DRC4: variants seen among roughly 807,000 people sequenced by gnomAD.
The protein encoded by DRC4 is GAS-11.
At chr16:90,023,055 C>G in the DRC4 span, among the ~76,000 whole-genome samples, 48,254 of 152,052 alleles carry the variant, frequency 0.32, 7,805 homozygotes, top group South Asian at 0.42. Context: ...CCTGGAATGG[C>G]AGACTCGGTC....
chr16:90,022,675 C>A, the DRC4 span: 1 of 1,415,860 alleles, frequency 7.1e-7, no homozygotes, highest in African/African-American at 1.5e-5. Context: ...CTTCCGGGGG[C>A]GGGCGCCCTG....
At chr16:90,031,254 T>G in the DRC4 span, 1 of 1,608,400 alleles carries the variant, frequency 6.2e-7, no homozygotes, top group Non-Finnish European at 8.5e-7. Context: ...TTGCCGTGCA[T>G]GGGCCCCTGC....
chr16:90,020,939 C>T, the DRC4 span: 2 of 152,230 alleles, frequency 1.3e-5, no homozygotes, highest in African/African-American at 4.8e-5. Context: ...ATAATTACCC[C>T]CACTGTGCTC....
chr16:90,031,945 G>C, the DRC4 span, among the ~76,000 whole-genome samples: 1 of 151,966 alleles, frequency 6.6e-6, no homozygotes, highest in Admixed American at 6.6e-5. Flanking sequence ...GTGCAGGTGA[G>C]GTGTGGGGAG....
the DRC4 span, among the ~76,000 whole-genome samples, chr16:90,037,583 A>G: frequency 6.6e-6 from 1 of 152,162 alleles, no homozygotes; most frequent in Non-Finnish European, 1.5e-5. Context: ...TTTGGAGACA[A>G]GGCCCTCATC....
the DRC4 span, chr16:90,042,241 T>C: frequency 2.2e-5 from 13 of 587,784 alleles, no homozygotes; most frequent in Non-Finnish European, 4.2e-5. Flanking sequence ...TGGCCTGGAC[T>C]GTTGCTGGAG....
At chr16:90,040,191 T>C in the DRC4 span, 1 of 1,067,808 alleles carries the variant, frequency 9.4e-7, no homozygotes, top group Non-Finnish European at 1.4e-6. Context: ...TGGGCACTGT[T>C]GGGAGGCAGC....
At chr16:90,044,400 C>T in the DRC4 span, 3 of 436,176 alleles carry the variant, frequency 6.9e-6, no homozygotes. Flanking sequence ...CGCCCAGGAC[C>T]AGTCTGCCCA....
chr16:90,020,640 G>A, the DRC4 span, among the ~76,000 whole-genome samples: 5 of 152,184 alleles, frequency 3.3e-5, no homozygotes, highest in African/African-American at 1.2e-4. Flanking sequence ...AAAAGAACAG[G>A]TCGCAGTGGG....
chr16:90,031,304 G>A, the DRC4 span: 1 of 1,612,440 alleles, frequency 6.2e-7, no homozygotes, highest in Non-Finnish European at 8.5e-7. Context: ...GCCAGGTGGA[G>A]GAGCATGTCA....
the DRC4 span, chr16:90,044,554 G>A: frequency 2.1e-6 from 1 of 471,250 alleles, no homozygotes; most frequent in Non-Finnish European, 4.4e-6. Context: ...GTAGCCCTCA[G>A]TGTCGAAGGT....
At chr16:90,026,424 C>A in the DRC4 span, among the ~76,000 whole-genome samples, 1 of 152,150 alleles carries the variant, frequency 6.6e-6, no homozygotes, top group Non-Finnish European at 1.5e-5. Context: ...CCCAAGCTTT[C>A]TTGACCAGGC....
At chr16:90,032,970 G>A in the DRC4 span, 2 of 1,538,660 alleles carry the variant, frequency 1.3e-6, no homozygotes, top group Non-Finnish European at 1.8e-6. Flanking sequence ...TGTTGGGACG[G>A]CAAGCCTAGT....
At chr16:90,036,886 CTGGAG>C in the DRC4 span, 1 of 578,724 alleles carries the variant, frequency 1.7e-6, no homozygotes, top group South Asian at 1.9e-5. Flanking sequence ...CGTGATGTGG[CTGGAG>C]TGGATAGGTG....
At chr16:90,041,510 CA>C in the DRC4 span, among the ~76,000 whole-genome samples, 2 of 146,242 alleles carry the variant, frequency 1.4e-5, no homozygotes, top group Non-Finnish European at 3.1e-5. Context: ...TTTTCTGTTA[CA>C]AAAAAGTGGG....
At chr16:90,040,318 G>A in the DRC4 span, 41 of 1,592,130 alleles carry the variant, frequency 2.6e-5, no homozygotes, top group Middle Eastern at 1.7e-4. Flanking sequence ...GGAGCGGGAC[G>A]AGCTCTATCG....
the DRC4 span, chr16:90,027,487 G>A: frequency 2.8e-6 from 2 of 707,526 alleles, no homozygotes; most frequent in Admixed American, 2.3e-5. Flanking sequence ...GTAAAGGGTG[G>A]GAACACTCAG....
At chr16:90,022,702 TG>T in the DRC4 span, 1 of 1,424,594 alleles carries the variant, frequency 7.0e-7, no homozygotes, top group Admixed American at 2.5e-5. Flanking sequence ...GAGTCGCCGC[TG>T]GGCCTGTCCG....
chr16:90,043,348 G>GC, the DRC4 span: 477,258 of 1,602,956 alleles, frequency 0.3, 81,720 homozygotes, highest in East Asian at 0.67. Context: ...CGACGTAGCT[G>GC]CCCCCCTGGG....
Sources: gnomAD v4.1 joint callset for allele counts (sites outside exome capture counted in the v4.1 genomes callset) on GRCh38, gnomAD v4.1.1 for gene constraint, MANE v1.5 for transcripts, NCBI Gene and HGNC (gene_info 2026-07-23, HGNC 2026-07-21) for gene names.